Variants in SYT14 observed in about 807,000 individuals in gnomAD.
SYT14 encodes the protein synaptotagmin 14, also known as synaptotagmin-14.
SYT14 carries 32 observed loss-of-function variants against 74.2 expected under a neutral mutation model. That is an observed-to-expected ratio of 0.43 (90% CI 0.33 to 0.58). The LOEUF (loss-of-function observed/expected upper bound fraction) is 0.58. SYT14 is among the 20% of genes least tolerant of loss of function. The pLI is 0.05. For missense variants in SYT14, 791 were observed against 981.8 expected (o/e 0.81, Z 2.60); for synonymous variants, 298 against 337.7 (o/e 0.88, Z 1.29).
intron 7 of SYT14, among the ~76,000 whole-genome samples, chr1:210,144,331 G>A (rs1453884945): frequency 1.3e-5 from 2 of 152,006 alleles, no homozygotes; most frequent in East Asian, 3.8e-4. Flanking sequence ...GCAATACAAT[G>A]TGTTCCCTAA....
chr1:209,976,345 C>T (rs2079364180), intron 2 of SYT14, among the ~76,000 whole-genome samples: 1 of 142,922 alleles, frequency 7.0e-6, no homozygotes, highest in Non-Finnish European at 1.5e-5. Flanking sequence ...GCATTTAGTG[C>T]TATAAATTTC....
At chr1:210,006,968 A>G (rs1237946867) in intron 2 of SYT14, among the ~76,000 whole-genome samples, 1 of 151,880 alleles carries the variant, frequency 6.6e-6, no homozygotes, top group Non-Finnish European at 1.5e-5. Context: ...AATATAATGG[A>G]GAATTTAAGT....
At chr1:210,100,041 G>T in exon 7 of SYT14, 1 of 1,613,976 alleles carries the variant, frequency 6.2e-7, no homozygotes, top group South Asian at 1.1e-5. Flanking sequence ...CATCTTCGCA[G>T]CTTCCTAAAC....
At chr1:210,018,334 A>G (rs549723762) in intron 4 of SYT14, among the ~76,000 whole-genome samples, 1 of 151,972 alleles carries the variant, frequency 6.6e-6, no homozygotes, top group South Asian at 2.1e-4. Flanking sequence ...GGGTTTCATC[A>G]TGTTGGCCCG....
chr1:210,095,112 G>GT (rs1445643285), intron 6 of SYT14, among the ~76,000 whole-genome samples: 3 of 152,106 alleles, frequency 2.0e-5, no homozygotes, highest in Non-Finnish European at 1.5e-5. Context: ...TTTACTTACT[G>GT]TTTCGGAGCA....
At chr1:210,105,288 G>T (rs967002886) in intron 7 of SYT14, among the ~76,000 whole-genome samples, 1 of 152,230 alleles carries the variant, frequency 6.6e-6, no homozygotes, top group African/African-American at 2.4e-5. Context: ...CTTTGGTAAG[G>T]TCTGTTGCTC....
chr1:209,962,922 A>G (rs1458601306), intron 2 of SYT14, among the ~76,000 whole-genome samples: 2 of 152,144 alleles, frequency 1.3e-5, no homozygotes, highest in Admixed American at 6.5e-5. Flanking sequence ...TAATGGCTGT[A>G]TGAGTTGGAG....
At chr1:210,009,182 C>T (rs2080041729) in intron 2 of SYT14, among the ~76,000 whole-genome samples, 1 of 152,064 alleles carries the variant, frequency 6.6e-6, no homozygotes, top group Non-Finnish European at 1.5e-5. Flanking sequence ...CAGTGTATAT[C>T]CTATTGCAGT....
chr1:210,134,206 G>T (rs758738417), intron 7 of SYT14, among the ~76,000 whole-genome samples: 6 of 151,922 alleles, frequency 3.9e-5, no homozygotes, highest in African/African-American at 1.2e-4. Context: ...AGGCTCAAGC[G>T]ATCCTCCCAC....
chr1:210,042,936 C>T (rs562137232), intron 5 of SYT14, among the ~76,000 whole-genome samples: 24 of 152,286 alleles, frequency 1.6e-4, no homozygotes, highest in African/African-American at 5.8e-4. Context: ...CTATCAATTA[C>T]TTTGGGCAAT....
intron 2 of SYT14, among the ~76,000 whole-genome samples, chr1:209,995,489 GTTC>G (rs772903084): frequency 4.4e-4 from 67 of 152,256 alleles, no homozygotes; most frequent in Non-Finnish European, 8.4e-4. Context: ...CATAAAACCA[GTTC>G]TTCTTGTCCT....
chr1:209,949,754 C>T (rs1477101772), intron 1 of SYT14, among the ~76,000 whole-genome samples: 1 of 152,112 alleles, frequency 6.6e-6, no homozygotes, highest in Non-Finnish European at 1.5e-5. Context: ...TTGAGTTCCA[C>T]ATGTACATCA....
chr1:210,042,464 G>C (rs912836700), intron 5 of SYT14, among the ~76,000 whole-genome samples: 1 of 152,154 alleles, frequency 6.6e-6, no homozygotes, highest in African/African-American at 2.4e-5. Context: ...TATTGCCTAG[G>C]TTTTCTTCTA....
intron 2 of SYT14, among the ~76,000 whole-genome samples, chr1:209,986,804 TG>T (rs2079578613): frequency 6.6e-6 from 1 of 152,094 alleles, no homozygotes; most frequent in African/African-American, 2.4e-5. Context: ...TTGTATTTTT[TG>T]TAGAGACAGA....
rs140096982 is a variant in SYT14, at chr1:210,169,176, A to G, written c.*8134A>G. On this transcript the variant is annotated 3_prime_UTR_variant, in exon 10 of 10. Transcript: ENST00000637265. ...CAGAAAACTGAAGTACATACCATAC[A>G]GTCATAAGAAGTTTGGGGGCTTTTT... 16 of 148,076 alleles carry G rather than the reference A, an allele frequency of 1.1e-4. No individual in the cohort carries two copies. In the East Asian group the frequency reaches 1.8e-3, roughly 16 times the overall value. The allele number at this position is 148,076 out of a possible 1,614,324, so 9.2% of individuals were successfully genotyped here. A position where few individuals can be genotyped will look rare whatever the true frequency, so the allele number is the denominator to read the frequency against.
At chr1:210,007,460 A>G (rs2080010254) in intron 2 of SYT14, among the ~76,000 whole-genome samples, 1 of 152,038 alleles carries the variant, frequency 6.6e-6, no homozygotes. Flanking sequence ...CAAATGTGGC[A>G]TATAAGGAAG....
At chr1:210,083,993 T>C (rs227170) in intron 5 of SYT14, among the ~76,000 whole-genome samples, 86,392 of 152,056 alleles carry the variant, frequency 0.57, 26,632 homozygotes, top group African/African-American at 0.82. Flanking sequence ...ACGGGAGTCA[T>C]CATGCCTGGC....
At chr1:210,090,026 A>G (rs2081832339) in intron 5 of SYT14, among the ~76,000 whole-genome samples, 3 of 152,180 alleles carry the variant, frequency 2.0e-5, no homozygotes, top group Admixed American at 2.0e-4. Context: ...GAGGCGACCA[A>G]TCAGAGGCTG....
chr1:210,073,700 T>G (rs993720988), intron 5 of SYT14, among the ~76,000 whole-genome samples: 1 of 150,550 alleles, frequency 6.6e-6, no homozygotes, highest in Non-Finnish European at 1.5e-5. Flanking sequence ...TTTGTTTTTG[T>G]TTTTTTTTGT....
Sources: gnomAD v4.1 joint callset for allele counts (sites outside exome capture counted in the v4.1 genomes callset) on GRCh38, gnomAD v4.1.1 for gene constraint, MANE v1.5 for transcripts, NCBI Gene and HGNC (gene_info 2026-07-23, HGNC 2026-07-21) for gene names.